Variants in FHIT observed in about 807,000 individuals in gnomAD.
The protein encoded by FHIT is fragile histidine triad diadenosine triphosphatase.
FHIT carries 19 observed loss-of-function variants against 17.9 expected under a neutral mutation model. The observed-to-expected ratio is 1.06, with a 90% confidence interval of 0.74 to 1.56. FHIT has a LOEUF of 1.56. Among genes scored for constraint, FHIT ranks in the 40% most tolerant of loss-of-function variants. The pLI is 0.00. For synonymous variants in FHIT, 81 were observed against 69.7 expected (o/e 1.16, Z -0.81); for missense variants, 248 against 189.2 (o/e 1.31, Z -1.82).
At chr3:61,030,403 G>A (rs1212593008) in intron 3 of FHIT, among the ~76,000 whole-genome samples, 1 of 152,202 alleles carries the variant, frequency 6.6e-6, no homozygotes, top group African/African-American at 2.4e-5. Flanking sequence ...GTAGCCACTA[G>A]CCAAATGTGA....
intron 3 of FHIT, among the ~76,000 whole-genome samples, chr3:60,963,149 T>C (rs1468417955): frequency 6.6e-6 from 1 of 152,242 alleles, no homozygotes; most frequent in African/African-American, 2.4e-5. Context: ...CGTCCTGGTT[T>C]AGTCTTGGGA....
At chr3:59,772,497 A>G (rs1042764744) in intron 8 of FHIT, among the ~76,000 whole-genome samples, 4 of 152,182 alleles carry the variant, frequency 2.6e-5, no homozygotes, top group Admixed American at 6.5e-5. Context: ...TGGCAGTGTT[A>G]CTATCCCCAT....
chr3:60,636,360 C>T (rs1377107233), intron 4 of FHIT, among the ~76,000 whole-genome samples: 1 of 152,144 alleles, frequency 6.6e-6, no homozygotes, highest in East Asian at 1.9e-4. Flanking sequence ...TGAGCCATCA[C>T]GCCTGGCCAG....
intron 3 of FHIT, among the ~76,000 whole-genome samples, chr3:60,917,772 T>C (rs971527986): frequency 7.9e-5 from 12 of 152,258 alleles, no homozygotes; most frequent in African/African-American, 2.9e-4. Flanking sequence ...ACTTTCCTTA[T>C]ATCATTTAAC....
At chr3:60,501,575 T>C (rs2034526605) in intron 5 of FHIT, among the ~76,000 whole-genome samples, 1 of 152,110 alleles carries the variant, frequency 6.6e-6, no homozygotes, top group African/African-American at 2.4e-5. Flanking sequence ...TTGTTTTGAG[T>C]TCCACTTCCT....
chr3:61,053,123 G>A (rs1259610112), intron 2 of FHIT, among the ~76,000 whole-genome samples: 1 of 152,110 alleles, frequency 6.6e-6, no homozygotes, highest in African/African-American at 2.4e-5. Context: ...TCCACTGCAG[G>A]GAAGGACTCT....
At chr3:61,122,403 T>G (rs1011816664) in intron 2 of FHIT, among the ~76,000 whole-genome samples, 1 of 152,120 alleles carries the variant, frequency 6.6e-6, no homozygotes, top group Admixed American at 6.6e-5. Flanking sequence ...ATAGAAACCC[T>G]AGAAGAAAAC....
chr3:60,250,514 G>A (rs1365147976), intron 5 of FHIT, among the ~76,000 whole-genome samples: 3 of 152,162 alleles, frequency 2.0e-5, no homozygotes, highest in Admixed American at 2.0e-4. Context: ...CAGCAGTAAA[G>A]CTTCCTAAGA....
chr3:60,011,326 C>T, intron 7 of FHIT, 45 bp downstream of exon 7: 2 of 1,591,662 alleles, frequency 1.3e-6, no homozygotes, highest in Non-Finnish European at 1.7e-6. Context: ...TATTAGTTCT[C>T]ATAATCGCCT....
In FHIT at chr3:59,790,308, T is replaced by C. The variant is rs138321331; in HGVS notation, c.349-37987A>G. Among the ~76,000 whole-genome samples, 124 of 152,254 alleles carry C rather than the reference T, an allele frequency of 8.1e-4. 1 individual carries two copies. The highest frequency in any genetic ancestry group is 1.6e-3 in the Non-Finnish European group (109 of 68,028). ...AGGTGATAGCATTTTGTACTTAGCA[T>C]AGATACAATGGTTTAAGGACACGGT... On this transcript the variant is annotated intron_variant, in intron 8 of 9. Coordinates refer to ENST00000492590, the MANE Select transcript of FHIT (RefSeq NM_002012.4).
intron 8 of FHIT, among the ~76,000 whole-genome samples, chr3:59,884,140 G>A (rs965131556): frequency 6.6e-6 from 1 of 152,108 alleles, no homozygotes; most frequent in Non-Finnish European, 1.5e-5. Flanking sequence ...TCAAATCATG[G>A]CTGAATCACA....
At chr3:60,192,250 CAAA>C (rs71089591) in intron 5 of FHIT, among the ~76,000 whole-genome samples, 5 of 121,556 alleles carry the variant, frequency 4.1e-5, no homozygotes, top group Non-Finnish European at 3.3e-5. Flanking sequence ...CACTATGTCT[CAAA>C]AAAAAAAAAA....
intron 1 of FHIT, among the ~76,000 whole-genome samples, chr3:61,201,842 A>G (rs775138833): frequency 7.9e-5 from 12 of 152,172 alleles, no homozygotes; most frequent in Non-Finnish European, 5.9e-5. Flanking sequence ...AATCTAAGAG[A>G]TGAATAATCT....
At chr3:60,330,872 G>C (rs1016593948) in intron 5 of FHIT, among the ~76,000 whole-genome samples, 19 of 152,178 alleles carry the variant, frequency 1.2e-4, no homozygotes, top group Non-Finnish European at 5.9e-5. Flanking sequence ...GAGTGCCTTG[G>C]AAAACAGAGA....
At chr3:60,088,648 G>C (rs979614514) in intron 5 of FHIT, among the ~76,000 whole-genome samples, 1 of 152,076 alleles carries the variant, frequency 6.6e-6, no homozygotes, top group East Asian at 1.9e-4. Context: ...TCTCTTATGG[G>C]AGTTATTAGG....
At chr3:60,714,475 G>C (rs549915324) in intron 4 of FHIT, among the ~76,000 whole-genome samples, 2 of 152,272 alleles carry the variant, frequency 1.3e-5, no homozygotes, top group East Asian at 3.9e-4. Context: ...ATTCAATTAG[G>C]AAAAGAGGAA....
At chr3:60,167,841 G>A (rs1701244964) in intron 5 of FHIT, among the ~76,000 whole-genome samples, 1 of 152,026 alleles carries the variant, frequency 6.6e-6, no homozygotes, top group Non-Finnish European at 1.5e-5. Flanking sequence ...AACCAGCCTG[G>A]GCATCACAGT....
At chr3:60,948,960 G>A (rs1242359362) in intron 3 of FHIT, among the ~76,000 whole-genome samples, 1 of 151,598 alleles carries the variant, frequency 6.6e-6, no homozygotes, top group Non-Finnish European at 1.5e-5. Context: ...CAGAAAGCAG[G>A]GCATAAAATA....
intron 5 of FHIT, among the ~76,000 whole-genome samples, chr3:60,188,210 T>TC (rs201284788): frequency 2.4e-4 from 35 of 143,412 alleles, no homozygotes; most frequent in South Asian, 7.3e-4. Context: ...TTTCTTTCTT[T>TC]TTTTTTTTTT....
Sources: allele counts gnomAD v4.1 joint callset (sites outside exome capture counted in the v4.1 genomes callset), GRCh38; gene constraint gnomAD v4.1.1; transcripts MANE v1.5; gene names NCBI Gene and HGNC (gene_info 2026-07-23, HGNC 2026-07-21).